The following TMEM117 variants were observed in gnomAD, a reference collection of about 807,000 sequenced individuals.
TMEM117 encodes the protein transmembrane protein 117.
A neutral mutation model predicts 52.4 loss-of-function variants in TMEM117; 27 were observed. The ratio of observed to expected loss-of-function variants is 0.51; its 90% CI spans 0.38 to 0.71. The LOEUF is 0.71. Among genes scored for constraint, TMEM117 ranks in the 30% least tolerant of loss-of-function variants. The pLI, the probability that TMEM117 is intolerant of heterozygous loss-of-function variation, is 0.00. For missense variants in TMEM117, 556 were observed against 630.5 expected (o/e 0.88, Z 1.26); for synonymous variants, 215 against 206.3 (o/e 1.04, Z -0.36).
At chr12:44,397,130 G>A in the TMEM117 span, among the ~76,000 whole-genome samples, 1 of 152,178 alleles carries the variant, frequency 6.6e-6, no homozygotes, top group Non-Finnish European at 1.5e-5. Context: ...GGGAGTGAGA[G>A]CAAACCAGGA....
rs183720834 is a variant in TMEM117, at chr12:43,930,047, G to A, written c.278-14163G>A. Among the ~76,000 whole-genome samples, 199 of 152,122 alleles carry A rather than the reference G, an allele frequency of 1.3e-3. 1 individual carries two copies. The highest frequency in any genetic ancestry group is 4.6e-3 in the African/African-American group (191 of 41,504). ...CTAGAGAAAATTTTATTTTCTTCTGGTCTGTAGATACTGGGTTCAGGCTTT... is the reference window on the plus strand; with the variant it reads ...CTAGAGAAAATTTTATTTTCTTCTGATCTGTAGATACTGGGTTCAGGCTTT... On this transcript the variant is annotated intron_variant, in intron 2 of 7. Transcript: ENST00000266534.
intron 3 of TMEM117, among the ~76,000 whole-genome samples, chr12:44,035,312 G>A (rs1946693760): frequency 6.6e-6 from 1 of 152,190 alleles, no homozygotes; most frequent in Admixed American, 6.5e-5. Context: ...CAAAGGAATT[G>A]AGTAGATGAC....
intron 6 of TMEM117, among the ~76,000 whole-genome samples, chr12:44,301,264 A>G (rs539761965): frequency 6.6e-6 from 1 of 152,328 alleles, no homozygotes; most frequent in South Asian, 2.1e-4. Context: ...GGAAAATATA[A>G]CATTGTAATT....
chr12:43,989,111 CT>C (rs1197121097), intron 3 of TMEM117, among the ~76,000 whole-genome samples: 4 of 152,116 alleles, frequency 2.6e-5, no homozygotes, highest in Non-Finnish European at 4.4e-5. Context: ...GAGGCATTTA[CT>C]GACTCTTCTC....
chr12:43,986,179 T>C (rs1945844038), intron 3 of TMEM117, among the ~76,000 whole-genome samples: 2 of 152,110 alleles, frequency 1.3e-5, no homozygotes, highest in East Asian at 3.9e-4. Context: ...TTTTAATTAA[T>C]TTTTTTGTGT....
At chr12:44,264,699 A>G (rs1422222695) in intron 5 of TMEM117, among the ~76,000 whole-genome samples, 1 of 152,180 alleles carries the variant, frequency 6.6e-6, no homozygotes, top group Non-Finnish European at 1.5e-5. Flanking sequence ...TGCTTTTTCT[A>G]GGTAACATAA....
At chr12:43,965,396 C>T (rs1421675594) in intron 3 of TMEM117, among the ~76,000 whole-genome samples, 1 of 152,106 alleles carries the variant, frequency 6.6e-6, no homozygotes, top group Non-Finnish European at 1.5e-5. Flanking sequence ...CCATCACAGC[C>T]CAGAGGAAGC....
At chr12:43,948,891 C>T (rs1565764658) in intron 3 of TMEM117, among the ~76,000 whole-genome samples, 2 of 152,136 alleles carry the variant, frequency 1.3e-5, no homozygotes, top group Admixed American at 1.3e-4. Flanking sequence ...GTAAGACTAA[C>T]AACTGATTGA....
upstream of TMEM117, among the ~76,000 whole-genome samples, chr12:43,835,573 T>A (rs1243870679): frequency 6.6e-6 from 1 of 151,876 alleles, no homozygotes; most frequent in African/African-American, 2.4e-5. Flanking sequence ...CACCCCCACA[T>A]CCCCACACCA....
chr12:44,151,985 A>G lies in TMEM117; in HGVS notation c.510+8361A>G, dbSNP rs1348274904. The stretch of plus-strand genomic sequence containing the variant: ...TATAAATATAAGTATATATTTATAT[A>G]TAAACATTATTATAAATATAATATA... On this transcript the variant is annotated intron_variant, in intron 4 of 7. Coordinates refer to ENST00000266534, the MANE Select transcript of TMEM117 (RefSeq NM_032256.3). 3.0e-4 allele frequency among the ~76,000 whole-genome samples: 36 copies of G among 118,478 alleles called. No individual in the cohort carries two copies. The East Asian group carries it at 8.0e-3, about 26-fold the overall frequency. The allele number at this position is 118,478 out of a possible 152,430, so 77.7% of individuals were successfully genotyped here. A position where few individuals can be genotyped will look rare whatever the true frequency, so the allele number is the denominator to read the frequency against.
At position 44,171,236 on chromosome 12, in the gene TMEM117, C is replaced by T. The variant is rs1200946000; in HGVS notation, c.510+27612C>T. Among the ~76,000 whole-genome samples, 9 of 152,134 alleles carry T rather than the reference C, an allele frequency of 5.9e-5. No individual in the cohort carries two copies. The East Asian group carries it at 1.7e-3, about 29-fold the overall frequency. On this transcript the variant is annotated intron_variant, in intron 4 of 7. Transcript: ENST00000266534. ...TTCACCATTTTAGCCGGGATGGTCTCGATCTCCTGACCTCGTGATCCGCCC... is the reference window on the plus strand; with the variant it reads ...TTCACCATTTTAGCCGGGATGGTCTTGATCTCCTGACCTCGTGATCCGCCC...
intron 3 of TMEM117, among the ~76,000 whole-genome samples, chr12:44,028,395 G>A (rs1946578213): frequency 6.6e-6 from 1 of 152,212 alleles, no homozygotes; most frequent in African/African-American, 2.4e-5. Flanking sequence ...AAATAAGGCT[G>A]ACACCTACTG....
chr12:44,036,784 C>T (rs1946716967), intron 3 of TMEM117, among the ~76,000 whole-genome samples: 1 of 152,168 alleles, frequency 6.6e-6, no homozygotes, highest in African/African-American at 2.4e-5. Flanking sequence ...AACTTTGTTA[C>T]ATAATGCCAA....
chr12:44,090,849 GTTTTTTTTTTT>G (rs541939145), intron 3 of TMEM117, among the ~76,000 whole-genome samples: 4 of 101,638 alleles, frequency 3.9e-5, no homozygotes, highest in Admixed American at 1.0e-4. Context: ...GTTTTTTTTT[GTTTTTTTTTTT>G]TTTTTGCTGA....
At chr12:43,842,756 A>C (rs890597819) in intron 1 of TMEM117, among the ~76,000 whole-genome samples, 4 of 151,850 alleles carry the variant, frequency 2.6e-5, no homozygotes, top group African/African-American at 9.7e-5. Flanking sequence ...ACGCACACAC[A>C]CAATTTTTTT....
At chr12:44,334,404 A>G (rs979576739) in intron 6 of TMEM117, among the ~76,000 whole-genome samples, 1 of 152,030 alleles carries the variant, frequency 6.6e-6, no homozygotes, top group Non-Finnish European at 1.5e-5. Flanking sequence ...CTTAATGGAA[A>G]AGCTACCTTA....
At chr12:43,842,011 G>C (rs766962) in intron 1 of TMEM117, among the ~76,000 whole-genome samples, 8,896 of 152,144 alleles carry the variant, frequency 0.058, 450 homozygotes, top group African/African-American at 0.13. Flanking sequence ...TAGTTCTGAT[G>C]GGCATATGGG....
Position 44,038,474 on chromosome 12 carries a change from C to T in TMEM117, c.410+94132C>T, listed in dbSNP as rs574999958. 4.5e-3 allele frequency among the ~76,000 whole-genome samples: 681 copies of T among 152,286 alleles called. 6 individuals are homozygous for T. Among genetic ancestry groups the T allele is most frequent in the Middle Eastern group, 0.027 (8 of 294 alleles). On this transcript the variant is annotated intron_variant, in intron 3 of 7. Coordinates refer to ENST00000266534, the MANE Select transcript of TMEM117 (RefSeq NM_032256.3). ...ACCACAGCCAGTGTGCATGGCTGTG[C>T]GCAGTGACTGCACCCCATACTCAAT...
At chr12:44,239,776 C>A (rs1186376439) in intron 5 of TMEM117, among the ~76,000 whole-genome samples, 1 of 152,020 alleles carries the variant, frequency 6.6e-6, no homozygotes, top group Non-Finnish European at 1.5e-5. Flanking sequence ...TGCCCACATG[C>A]ACACATACAC....
Sources: gnomAD v4.1 joint callset for allele counts (sites outside exome capture counted in the v4.1 genomes callset) on GRCh38, gnomAD v4.1.1 for gene constraint, MANE v1.5 for transcripts, NCBI Gene and HGNC (gene_info 2026-07-23, HGNC 2026-07-21) for gene names.